COPS9: variants seen among roughly 807,000 people sequenced by gnomAD.
The protein encoded by COPS9 is COP9 signalosome subunit 9.
Under a neutral mutation model 7.2 loss-of-function variants are expected in COPS9, and 8 were observed. The observed-to-expected ratio is 1.11, with a 90% CI of 0.65 to 2.00. The LOEUF (loss-of-function observed/expected upper bound fraction) is 2.00, where lower values mean the gene tolerates loss of function less well. COPS9 is among the 30% of genes most tolerant of loss of function. COPS9 has a pLI of 0.00. For synonymous variants in COPS9, 39 were observed against 28.7 expected (o/e 1.36, Z -1.14); for missense variants, 74 against 77.7 (o/e 0.95, Z 0.18).
chr2:240,128,162 C>G (rs945447474), downstream of COPS9, among the ~76,000 whole-genome samples: 8 of 152,194 alleles, frequency 5.3e-5, no homozygotes. Flanking sequence ...CTTCCTCAAG[C>G]CTTTCCCTTG....
intron 1 of COPS9, among the ~76,000 whole-genome samples, chr2:240,135,158 C>T (rs544275126): frequency 1.6e-4 from 24 of 152,206 alleles, no homozygotes; most frequent in Admixed American, 4.6e-4. Context: ...TGGCACTGCA[C>T]GCTCAACCAT....
At chr2:240,126,789 C>G (rs767562839), downstream of COPS9, 18 of 1,614,216 alleles carry the variant, frequency 1.1e-5, no homozygotes, top group Non-Finnish European at 1.5e-5. Flanking sequence ...GCGTCCTGTG[C>G]CCATTTTCCC....
At position 240,132,153 on chromosome 2, in the gene COPS9, C is replaced by T. The variant is rs1275663273; in HGVS notation, c.137-1065G>A. Among the ~76,000 whole-genome samples, 9 of 152,192 alleles carry T rather than the reference C, an allele frequency of 5.9e-5. No individual in the cohort carries two copies. Among genetic ancestry groups the T allele is most frequent in the Non-Finnish European group, 1.3e-4 (9 of 68,034 alleles). On this transcript the variant is annotated intron_variant, in intron 2 of 2. Coordinates refer to ENST00000607357, the MANE Select transcript of COPS9 (RefSeq NM_001163424.2). The surrounding 1 kb of genome is among the most constrained non-coding windows in gnomAD (Gnocchi z 4.1). ...CTCTGCAGTGCTCCCAGAAACAATG[C>T]CGTCCACGCTTTGCCAGGGCTCTTG...
chr2:240,131,015 C>A lies in COPS9; in HGVS notation c.*36G>T. The A allele has an allele frequency of 6.2e-7, 1 of 1,611,230 alleles. No homozygotes were observed. The highest frequency in any genetic ancestry group is 8.5e-7 in the Non-Finnish European group (1 of 1,178,944). On this transcript the variant is annotated 3_prime_UTR_variant, in exon 3 of 3. Coordinates refer to ENST00000607357, the MANE Select transcript of COPS9 (RefSeq NM_001163424.2). Reference sequence around the variant, plus strand: ...CGCAGGCTCACACTGCGGCTCTGTACCAAGGGCTTGGCCCCGCCTGCAGCC... The same window carrying A: ...CGCAGGCTCACACTGCGGCTCTGTAACAAGGGCTTGGCCCCGCCTGCAGCC...
intron 1 of COPS9, among the ~76,000 whole-genome samples, chr2:240,135,357 G>A (rs963565586): frequency 3.9e-5 from 6 of 152,120 alleles, no homozygotes; most frequent in African/African-American, 7.2e-5. Context: ...GGGTCCATCC[G>A]TCGGTGCGCC....
intron 1 of COPS9, among the ~76,000 whole-genome samples, chr2:240,134,908 G>A (rs1559480930): frequency 1.3e-5 from 2 of 151,910 alleles, no homozygotes; most frequent in African/African-American, 2.4e-5. Flanking sequence ...CCTCTCACCC[G>A]TAAATGCTGC....
In COPS9 at chr2:240,131,005, C is replaced by A. The variant is rs752064588; in HGVS notation, c.*46G>T. 2.5e-6 allele frequency: 4 copies of A among 1,607,322 alleles called. No homozygotes were observed. The highest frequency in any genetic ancestry group is 1.3e-5 in the African/African-American group (1 of 74,836). ...AACTGTCCTGCGCAGGCTCACACTG[C>A]GGCTCTGTACCAAGGGCTTGGCCCC... is the stretch of plus-strand genomic sequence containing the variant. On this transcript the variant is annotated 3_prime_UTR_variant, in exon 3 of 3. Transcript: ENST00000607357.
downstream of COPS9, chr2:240,130,051 A>C: frequency 3.2e-6 from 5 of 1,586,386 alleles, no homozygotes; most frequent in East Asian, 9.0e-5. Context: ...AAAGGACAGG[A>C]GCTCCATCAG....
At chr2:240,135,236 C>T (rs777653063) in intron 1 of COPS9, among the ~76,000 whole-genome samples, 22 of 152,144 alleles carry the variant, frequency 1.4e-4, no homozygotes, top group Non-Finnish European at 2.8e-4. Flanking sequence ...GGCTCTGCTC[C>T]TGCCGGGCCT....
downstream of COPS9, among the ~76,000 whole-genome samples, chr2:240,128,108 G>C (rs1438758116): frequency 6.6e-6 from 1 of 152,240 alleles, no homozygotes; most frequent in Non-Finnish European, 1.5e-5. Flanking sequence ...AGGGCTGGAG[G>C]CGGGCAAAGC....
Position 240,136,263 on chromosome 2 carries a change from T to C in COPS9, c.22A>G (p.Met8Val). Residue 8 changes from methionine (M) to valine (V), a missense_variant, in exon 1 of 3, where the codon ATG (methionine) becomes GTG (valine). Transcript: ENST00000607357. The stretch of plus-strand genomic sequence containing the variant: ...TAGGGCCCGGCGCCCTCGGGGAACA[T>C]CTCGTCCACCGCCGGCTTCATCTCG... MKPAVDE[M>V]FPEGAGPYVD... 6.4e-7 allele frequency: 1 copy of C among 1,568,656 alleles called. No individual in the cohort carries two copies. The highest frequency in any genetic ancestry group is 8.6e-7 in the Non-Finnish European group (1 of 1,161,324).
chr2:240,131,487 C>T (rs34922994), intron 2 of COPS9, among the ~76,000 whole-genome samples: 25,108 of 152,138 alleles, frequency 0.17, 2,458 homozygotes, highest in East Asian at 0.45. Context: ...CTGGGAGGCA[C>T]GTGCTGGGTC....
chr2:240,133,865 C>T (rs546485918), intron 2 of COPS9, 68 bp downstream of exon 2: 2 of 1,500,456 alleles, frequency 1.3e-6, no homozygotes, highest in East Asian at 2.3e-5. Context: ...CACCAAGTTG[C>T]TTCACTGCCT....
downstream of COPS9, chr2:240,130,702 C>T: frequency 1.2e-6 from 1 of 859,762 alleles, no homozygotes; most frequent in Non-Finnish European, 1.5e-6. Flanking sequence ...GTATCTGCTA[C>T]CAGACAAATG....
chr2:240,127,488 G>C (rs142013168), downstream of COPS9, among the ~76,000 whole-genome samples: 703 of 152,256 alleles, frequency 4.6e-3, 6 homozygotes, highest in South Asian at 0.02. Context: ...CCCTCCAATT[G>C]CAAGGTGCTA....
chr2:240,131,110 C>T (rs761003068), intron 2 of COPS9, 22 bp from the exon 3 acceptor site: 65 of 1,610,284 alleles, frequency 4.0e-5, no homozygotes, highest in South Asian at 1.7e-4. Context: ...AGCAAAACCA[C>T]GTAGTTACAC....
chr2:240,130,371 G>A (rs2071909710), downstream of COPS9, among the ~76,000 whole-genome samples: 1 of 152,174 alleles, frequency 6.6e-6, no homozygotes, highest in African/African-American at 2.4e-5. Context: ...TACTGAGCTG[G>A]GCCTACAGGA....
chr2:240,129,352 A>AG (rs1235327732), downstream of COPS9, among the ~76,000 whole-genome samples: 1 of 151,994 alleles, frequency 6.6e-6, no homozygotes, highest in African/African-American at 2.4e-5. Flanking sequence ...TTGTATAGAG[A>AG]GGGGGGTCTC....
chr2:240,133,955 G>A lies in COPS9; in HGVS notation c.114C>T (p.Ala38=), dbSNP rs150638871. ...TACCGTTAAAAAAGTCTGCATGAAC[G>A]GCCTTTTCATTGGCTGCCAAGTCCA... ...LLMDLAANEK[A]VHADFFNDFE... The change falls in exon 2 of 3, where the codon GCC becomes GCT. Residue 38 remains alanine (A), a synonymous_variant. Transcript: ENST00000607357. 8.0e-4 allele frequency: 1,292 copies of A among 1,613,970 alleles called. 4 individuals are homozygous for A. The highest frequency in any genetic ancestry group is 1.1e-3 in the Non-Finnish European group (1,246 of 1,180,014).
Sources: allele counts gnomAD v4.1 joint callset (sites outside exome capture counted in the v4.1 genomes callset), GRCh38; gene constraint gnomAD v4.1.1; non-coding constraint Gnocchi (gnomAD v3.1); transcripts MANE v1.5; gene names NCBI Gene and HGNC (gene_info 2026-07-23, HGNC 2026-07-21).